Variants in RAD54L2 observed in about 807,000 individuals in gnomAD.
RAD54L2 encodes RAD54 like 2, also known as helicase ARIP4.
A neutral mutation model predicts 138.4 loss-of-function variants in RAD54L2; 27 were observed. The observed-to-expected ratio is 0.20, with a 90% confidence interval of 0.14 to 0.27. The LOEUF is 0.27. RAD54L2 is among the 10% of genes least tolerant of loss of function. RAD54L2 has a pLI of 1.00. For missense variants in RAD54L2, 1,396 were observed against 1,890.2 expected, an observed-to-expected ratio of 0.74 and a Z score of 4.85; for synonymous variants, 644 against 723.2, an observed-to-expected ratio of 0.89 and a Z score of 1.76.
At chr3:51,624,014 G>A (rs1200308810) in intron 3 of RAD54L2, among the ~76,000 whole-genome samples, 1 of 148,916 alleles carries the variant, frequency 6.7e-6, no homozygotes, top group Non-Finnish European at 1.5e-5. Context: ...ATTTAGGGGA[G>A]CAAAAATTCT....
intron 2 of RAD54L2, among the ~76,000 whole-genome samples, chr3:51,559,199 A>G (rs1699044485): frequency 6.6e-6 from 1 of 152,098 alleles, no homozygotes; most frequent in East Asian, 1.9e-4. Flanking sequence ...ACAATAGCCC[A>G]CTGAAATGGA....
At chr3:51,588,940 T>C (rs1197412050) in intron 2 of RAD54L2, among the ~76,000 whole-genome samples, 1 of 152,168 alleles carries the variant, frequency 6.6e-6, no homozygotes, top group African/African-American at 2.4e-5. Flanking sequence ...CCTTCCTTCC[T>C]TTTGGTTTCT....
chr3:51,574,561 CATT>C (rs1473120261), intron 2 of RAD54L2, among the ~76,000 whole-genome samples: 1 of 152,166 alleles, frequency 6.6e-6, no homozygotes, highest in African/African-American at 2.4e-5. Flanking sequence ...AATGGTATCT[CATT>C]GTGGTTTTGA....
At chr3:51,644,106 A>G (rs895731969) in intron 16 of RAD54L2, 132 bp downstream of exon 16, 1 of 694,882 alleles carries the variant, frequency 1.4e-6, no homozygotes, top group South Asian at 2.1e-5. Flanking sequence ...GGGGTCAGAG[A>G]GGGAACTTCA....
Position 51,637,811 on chromosome 3 carries a change from G to A in RAD54L2, c.1682+308G>A, listed in dbSNP as rs954113145. Among the ~76,000 whole-genome samples, 12 of 152,234 alleles carry A rather than the reference G, an allele frequency of 7.9e-5. No individual in the cohort carries two copies. Among genetic ancestry groups the A allele is most frequent in the Admixed American group, 2.6e-4 (4 of 15,284 alleles). On this transcript the variant is annotated intron_variant, in intron 11 of 22. Coordinates refer to ENST00000684192, the MANE Select transcript of RAD54L2 (RefSeq NM_015106.4). This position sits in a 1 kb window ranked among gnomAD's most constrained non-coding sequence, Gnocchi z 5.9. ...CTGACTTACCTTAGGCTAGTCTAAA[G>A]CAGACCCCTCATTTTTCCTTGTTGA...
At chr3:51,542,559 C>T (rs1273628228) in intron 2 of RAD54L2, among the ~76,000 whole-genome samples, 5 of 152,012 alleles carry the variant, frequency 3.3e-5, no homozygotes, top group Admixed American at 1.3e-4. Context: ...CATTCTCCCG[C>T]CTCAGCCTCC....
chr3:51,660,827 GAT>G (rs1382988416), intron 22 of RAD54L2, among the ~76,000 whole-genome samples: 1 of 149,126 alleles, frequency 6.7e-6, no homozygotes. Flanking sequence ...TCACCATGTT[GAT>G]CAGGCTGGTC....
At position 51,633,907 on chromosome 3, in the gene RAD54L2, T is replaced by C. The variant is rs149414610; in HGVS notation, c.1014T>C (p.Asn338=). 1.9e-6 allele frequency: 3 copies of C among 1,613,722 alleles called. No homozygotes were observed. The highest frequency in any genetic ancestry group is 2.7e-5 in the African/African-American group (2 of 74,938). The change falls in exon 9 of 23, where the codon AAT becomes AAC. Residue 338 remains asparagine (N), a synonymous_variant. Transcript: ENST00000684192. ...AKTVLAIVPV[N]TLQNWLAEFN... ...TGGACTTGGCTTTCTAATAGGTTAA[T>C]ACTCTTCAGAATTGGCTGGCAGAGT...
intron 2 of RAD54L2, among the ~76,000 whole-genome samples, chr3:51,561,884 G>A (rs2106639912): frequency 6.7e-6 from 1 of 150,126 alleles, no homozygotes; most frequent in South Asian, 2.1e-4. Flanking sequence ...TTTATTTATT[G>A]TTGAGACAAG....
intron 22 of RAD54L2, among the ~76,000 whole-genome samples, chr3:51,660,756 A>C (rs1701746150): frequency 6.6e-6 from 1 of 150,652 alleles, no homozygotes; most frequent in Non-Finnish European, 1.5e-5. Context: ...TGAGTAGCTG[A>C]GATTACAGAA....
chr3:51,628,079 T>C (rs1700735026), intron 4 of RAD54L2, among the ~76,000 whole-genome samples: 1 of 152,124 alleles, frequency 6.6e-6, no homozygotes, highest in Admixed American at 6.6e-5. Flanking sequence ...TCCTTTTGTC[T>C]CAAAACAAGA....
chr3:51,640,103 T>C (rs1559648454), intron 14 of RAD54L2, 104 bp downstream of exon 14: 1 of 744,034 alleles, frequency 1.3e-6, no homozygotes, highest in Non-Finnish European at 2.2e-6. Context: ...CAAGTGCTAT[T>C]GTGAGGACCT....
At chr3:51,563,195 G>T (rs1362487558) in intron 2 of RAD54L2, among the ~76,000 whole-genome samples, 1 of 152,050 alleles carries the variant, frequency 6.6e-6, no homozygotes, top group Non-Finnish European at 1.5e-5. Context: ...GACCACCAAA[G>T]CTTCCACATT....
intron 2 of RAD54L2, among the ~76,000 whole-genome samples, chr3:51,551,155 C>A (rs993973421): frequency 1.3e-5 from 2 of 151,548 alleles, no homozygotes; most frequent in Non-Finnish European, 2.9e-5. Flanking sequence ...GTTGTTGAGA[C>A]AAGGTCTCAG....
intron 3 of RAD54L2, among the ~76,000 whole-genome samples, chr3:51,611,715 C>T (rs182049242): frequency 1.2e-3 from 183 of 152,116 alleles, no homozygotes; most frequent in African/African-American, 4.0e-3. Flanking sequence ...CCAGCCACCA[C>T]GCCCGGCTAA....
Position 51,638,239 on chromosome 3 carries a change from A to T in RAD54L2, c.1778A>T (p.Gln593Leu), listed in dbSNP as rs373791845. The T allele has an allele frequency of 6.1e-5, 99 of 1,613,880 alleles. No homozygotes were observed. Among genetic ancestry groups the T allele is most frequent in the Non-Finnish European group, 8.3e-5 (98 of 1,179,888 alleles). ...LSKIQRDLYT[Q>L]FMDRFRDCGS... ...AAGATCCAGCGAGATTTGTATACAC[A>T]GTTCATGGATCGCTTCCGGGACTGT... Residue 593 changes from glutamine (Q) to leucine (L), a missense_variant, in exon 12 of 23, where the codon CAG becomes CTG. By Grantham distance (113) the Gln-to-Leu change is moderately radical. This residue lies in a region of RAD54L2 where 211 missense variants were observed against 273.8 expected (regional missense o/e 0.77). Coordinates refer to ENST00000684192, the MANE Select transcript of RAD54L2 (RefSeq NM_015106.4). The surrounding 1 kb of genome is among the most constrained non-coding windows in gnomAD (Gnocchi z 4.3).
chr3:51,556,110 TC>T (rs1698957902), intron 2 of RAD54L2, among the ~76,000 whole-genome samples: 3 of 152,288 alleles, frequency 2.0e-5, no homozygotes, highest in Admixed American at 1.3e-4. Flanking sequence ...CTAGCCTTGA[TC>T]CCCTCCCCTT....
chr3:51,632,939 G>T (rs757394547), intron 7 of RAD54L2, among the ~76,000 whole-genome samples: 10 of 151,614 alleles, frequency 6.6e-5, no homozygotes, highest in Non-Finnish European at 1.5e-4. Context: ...CTTCTATGTG[G>T]CTGGGCACAG....
At chr3:51,601,351 A>G (rs1174127458) in intron 3 of RAD54L2, among the ~76,000 whole-genome samples, 1 of 133,536 alleles carries the variant, frequency 7.5e-6, no homozygotes, top group Non-Finnish European at 1.6e-5. Context: ...TATGTCCCCC[A>G]GGCTGGAGTG....
Sources: allele counts gnomAD v4.1 joint callset (sites outside exome capture counted in the v4.1 genomes callset), GRCh38; gene constraint gnomAD v4.1.1; regional missense constraint gnomAD v4.1.1; non-coding constraint Gnocchi (gnomAD v3.1); transcripts MANE v1.5; gene names NCBI Gene and HGNC (gene_info 2026-07-23, HGNC 2026-07-21).